The following OR7E24 variants were observed in gnomAD, a reference collection of about 807,000 sequenced individuals.
OR7E24 encodes olfactory receptor family 7 subfamily E member 24, also known as olfactory receptor 7E24.
For synonymous variants in OR7E24, 130 were observed against 157.5 expected (o/e 0.83, Z 1.31); for missense variants, 385 against 410.3 (o/e 0.94, Z 0.53).
At chr19:9,226,492 G>A in the OR7E24 span, among the ~76,000 whole-genome samples, 1 of 152,202 alleles carries the variant, frequency 6.6e-6, no homozygotes, top group South Asian at 2.1e-4. Flanking sequence ...GTAACTTGTG[G>A]AATGTTGAGA....
At chr19:9,240,331 A>G in the OR7E24 span, among the ~76,000 whole-genome samples, 1 of 152,146 alleles carries the variant, frequency 6.6e-6, no homozygotes, top group Non-Finnish European at 1.5e-5. Context: ...CCAAAAAATC[A>G]TTGCCCAGTG....
chr19:9,224,034 T>A, the OR7E24 span, among the ~76,000 whole-genome samples: 1 of 151,990 alleles, frequency 6.6e-6, no homozygotes, highest in Non-Finnish European at 1.5e-5. Context: ...GTATTTTTAA[T>A]AGAGACAGGG....
chr19:9,241,525 G>C, the OR7E24 span, among the ~76,000 whole-genome samples: 2 of 152,100 alleles, frequency 1.3e-5, no homozygotes, highest in Admixed American at 1.3e-4. Context: ...CAGCACTTTG[G>C]GGGCTGAGGT....
upstream of OR7E24, among the ~76,000 whole-genome samples, chr19:9,245,305 C>A (rs776746329): frequency 1.3e-5 from 2 of 151,846 alleles, no homozygotes; most frequent in Non-Finnish European, 2.9e-5. Context: ...CAAAATGATA[C>A]CCAGCATCAC....
chr19:9,242,473 C>T (rs1356801046), upstream of OR7E24, among the ~76,000 whole-genome samples: 6 of 152,190 alleles, frequency 3.9e-5, no homozygotes, highest in Non-Finnish European at 8.8e-5. Context: ...TGATCTCAAA[C>T]TCCTGACCTC....
upstream of OR7E24, among the ~76,000 whole-genome samples, chr19:9,245,262 C>G (rs529005216): frequency 2.7e-3 from 404 of 151,978 alleles, no homozygotes; most frequent in Non-Finnish European, 4.8e-3. Flanking sequence ...AGACATTTCT[C>G]TAAAGAACAT....
chr19:9,235,986 C>T, the OR7E24 span: 1 of 1,611,962 alleles, frequency 6.2e-7, no homozygotes, highest in Non-Finnish European at 8.5e-7. Context: ...ACGCCATGGT[C>T]ACCCCCATGC....
the OR7E24 span, chr19:9,212,407 A>G: frequency 6.6e-6 from 1 of 152,208 alleles, no homozygotes; most frequent in Non-Finnish European, 1.5e-5. Context: ...AATTTGCAGG[A>G]TGCAAATTAG....
the OR7E24 span, among the ~76,000 whole-genome samples, chr19:9,233,857 C>T: frequency 1.3e-5 from 2 of 151,888 alleles, no homozygotes; most frequent in African/African-American, 4.8e-5. Context: ...ATATTTACTA[C>T]TCTTATTTAG....
the OR7E24 span, among the ~76,000 whole-genome samples, chr19:9,226,290 C>G: frequency 1.3e-5 from 2 of 152,206 alleles, no homozygotes; most frequent in African/African-American, 2.4e-5. Flanking sequence ...GTACACTCGC[C>G]AGCAGTTTTG....
chr19:9,227,515 G>A, the OR7E24 span, among the ~76,000 whole-genome samples: 12 of 151,538 alleles, frequency 7.9e-5, no homozygotes, highest in Admixed American at 3.3e-4. Context: ...GACTTGAGCC[G>A]CCATGCCTGC....
chr19:9,244,441 C>T (rs773495952), upstream of OR7E24, among the ~76,000 whole-genome samples: 4 of 152,180 alleles, frequency 2.6e-5, no homozygotes, highest in Non-Finnish European at 5.9e-5. Context: ...CAAGAACATT[C>T]ATTGGGAAAA....
the OR7E24 span, among the ~76,000 whole-genome samples, chr19:9,218,708 A>G: frequency 6.6e-6 from 1 of 152,100 alleles, no homozygotes; most frequent in Non-Finnish European, 1.5e-5. Context: ...AGCTTACTGC[A>G]ACCTCTGCCT....
chr19:9,213,596 G>C, the OR7E24 span: 1 of 309,460 alleles, frequency 3.2e-6, no homozygotes, highest in African/African-American at 2.2e-5. Flanking sequence ...AAATTAGCTG[G>C]CTGTGGTGGC....
chr19:9,214,452 G>T, the OR7E24 span: 1 of 1,614,160 alleles, frequency 6.2e-7, no homozygotes, highest in Admixed American at 1.7e-5. Flanking sequence ...GTAGTGCAGT[G>T]GGTGGCAGAT....
rs1390179157 is a variant in OR7E24 at position 9,251,383 on chromosome 19, G to A, written c.340G>A (p.Gly114Ser). ...QTHSRVISYE[G>S]CLTQMSFFVL... ...TCACAGCAGAGTCATCTCCTATGAA[G>A]GCTGCCTGACTCAGATGTCTTTTTT... Residue 114 changes from glycine to serine, a missense_variant, in exon 1 of 1, where the codon GGC becomes AGC. By Grantham distance (56) the Gly-to-Ser change is moderately conservative (BLOSUM62 0). Transcript: ENST00000456448. The A allele has an allele frequency of 1.9e-6, 3 of 1,613,950 alleles. No individual in the cohort carries two copies. The highest frequency in any genetic ancestry group is 1.7e-6 in the Non-Finnish European group (2 of 1,180,000).
At chr19:9,216,951 T>C in the OR7E24 span, among the ~76,000 whole-genome samples, 1 of 152,208 alleles carries the variant, frequency 6.6e-6, no homozygotes. Context: ...TTTATCAATA[T>C]CAATATCCCC....
At chr19:9,247,708 C>T (rs1053095916), upstream of OR7E24, among the ~76,000 whole-genome samples, 4 of 152,170 alleles carry the variant, frequency 2.6e-5, no homozygotes, top group African/African-American at 9.7e-5. Context: ...TATTGCTGCA[C>T]TATTTTACAT....
At chr19:9,239,749 C>G in the OR7E24 span, among the ~76,000 whole-genome samples, 1 of 135,180 alleles carries the variant, frequency 7.4e-6, no homozygotes, top group South Asian at 2.3e-4. Context: ...CGCTCTGTTG[C>G]CCAGGCTGGA....
Sources: allele counts gnomAD v4.1 joint callset (sites outside exome capture counted in the v4.1 genomes callset), GRCh38; gene constraint gnomAD v4.1.1; transcripts MANE v1.5; gene names NCBI Gene and HGNC (gene_info 2026-07-23, HGNC 2026-07-21).